The following SIMC1 variants were observed in gnomAD, a reference collection of about 807,000 sequenced individuals.
The protein encoded by SIMC1 is SUMO-interacting motif-containing protein 1.
A neutral mutation model predicts 82.3 loss-of-function variants in SIMC1; 55 were observed. The observed-to-expected ratio is 0.67, with a 90% CI of 0.54 to 0.84. The LOEUF is 0.84. Ranked by LOEUF, SIMC1 falls within the 40% of genes least tolerant of loss-of-function variation. The pLI, the probability that SIMC1 is intolerant of heterozygous loss-of-function variation, is 0.00. For missense variants in SIMC1, 915 were observed against 1,107.2 expected (o/e 0.83, Z 2.46); for synonymous variants, 353 against 426.3 (o/e 0.83, Z 2.12).
At chr5:176,343,207 C>T (rs779353594) in intron 9 of SIMC1, among the ~76,000 whole-genome samples, 7 of 152,160 alleles carry the variant, frequency 4.6e-5, no homozygotes, top group Non-Finnish European at 8.8e-5. Context: ...TAAAATGTAA[C>T]CTGATATACC....
intron 1 of SIMC1, among the ~76,000 whole-genome samples, chr5:176,246,444 GTGTGT>G (rs1479184788): frequency 6.7e-6 from 1 of 149,618 alleles, no homozygotes; most frequent in South Asian, 2.1e-4. Flanking sequence ...GTGTGTGTGT[GTGTGT>G]TGTTTGTTTG....
At chr5:176,311,875 C>T (rs964671810) in intron 4 of SIMC1, among the ~76,000 whole-genome samples, 11 of 152,028 alleles carry the variant, frequency 7.2e-5, no homozygotes, top group African/African-American at 2.2e-4. Context: ...CGATGTAAAA[C>T]GGAAAGTATA....
chr5:176,331,853 C>T (rs979943677), intron 7 of SIMC1, among the ~76,000 whole-genome samples: 3 of 151,840 alleles, frequency 2.0e-5, no homozygotes, highest in Non-Finnish European at 4.4e-5. Context: ...CCTGTAATCT[C>T]AGCTACTCAG....
intron 5 of SIMC1, among the ~76,000 whole-genome samples, chr5:176,320,699 T>G (rs1581309956): frequency 1.3e-5 from 2 of 151,782 alleles, no homozygotes; most frequent in South Asian, 4.1e-4. Flanking sequence ...TACCCCTCTT[T>G]CAACACTTCA....
intron 2 of SIMC1, among the ~76,000 whole-genome samples, chr5:176,293,032 C>G (rs1166902390): frequency 6.6e-6 from 1 of 152,066 alleles, no homozygotes; most frequent in East Asian, 1.9e-4. Flanking sequence ...CAGCTTCTGC[C>G]ATTTGTTGTA....
At chr5:176,330,889 A>G (rs1309382632) in intron 7 of SIMC1, among the ~76,000 whole-genome samples, 2 of 152,194 alleles carry the variant, frequency 1.3e-5, no homozygotes, top group African/African-American at 4.8e-5. Flanking sequence ...AAAAATAGCA[A>G]CTTTACAATG....
At chr5:176,320,871 G>C (rs1029137386) in intron 5 of SIMC1, among the ~76,000 whole-genome samples, 1 of 152,050 alleles carries the variant, frequency 6.6e-6, no homozygotes, top group Non-Finnish European at 1.5e-5. Flanking sequence ...CATAGGCTTG[G>C]ATTAAACGTC....
chr5:176,333,412 G>A (rs1033222001), intron 7 of SIMC1, among the ~76,000 whole-genome samples: 2 of 152,068 alleles, frequency 1.3e-5, no homozygotes, highest in Non-Finnish European at 2.9e-5. Context: ...CATCCAGGTT[G>A]TGGGGTTTTT....
At chr5:176,335,192 A>G (rs998932454) in intron 7 of SIMC1, among the ~76,000 whole-genome samples, 3 of 150,550 alleles carry the variant, frequency 2.0e-5, no homozygotes, top group Non-Finnish European at 4.4e-5. Context: ...CTCTGGTTTT[A>G]TCATTGATTA....
intron 1 of SIMC1, among the ~76,000 whole-genome samples, chr5:176,288,423 G>A (rs74478747): frequency 0.052 from 6,648 of 126,658 alleles, 217 homozygotes; most frequent in Non-Finnish European, 0.08. Flanking sequence ...ATGAATGAAT[G>A]AATAAATAAA....
intron 4 of SIMC1, chr5:176,308,609 A>G (rs1764530269): frequency 8.2e-6 from 13 of 1,584,438 alleles, no homozygotes; most frequent in Non-Finnish European, 1.1e-5. Flanking sequence ...AAAAGAGTTC[A>G]GAGTCCCTTC....
chr5:176,339,055 A>C (rs1766020229), intron 9 of SIMC1, among the ~76,000 whole-genome samples: 1 of 152,162 alleles, frequency 6.6e-6, no homozygotes. Flanking sequence ...AGACTGTTGT[A>C]ACTCACACTT....
At chr5:176,307,410 TG>T (rs772217052) in intron 4 of SIMC1, among the ~76,000 whole-genome samples, 4 of 152,324 alleles carry the variant, frequency 2.6e-5, no homozygotes, top group African/African-American at 7.2e-5. Context: ...TTGTAACAAT[TG>T]TTTTTTTGAG....
intron 4 of SIMC1, among the ~76,000 whole-genome samples, chr5:176,311,010 A>G (rs1405351471): frequency 6.6e-6 from 1 of 152,218 alleles, no homozygotes; most frequent in African/African-American, 2.4e-5. Context: ...TATTTCTAAG[A>G]AATGTTTAGA....
chr5:176,281,148 C>T (rs1375908514), intron 1 of SIMC1, among the ~76,000 whole-genome samples: 1 of 152,144 alleles, frequency 6.6e-6, no homozygotes, highest in East Asian at 1.9e-4. Context: ...TCTTTTTTCT[C>T]TAAACTTCCC....
intron 9 of SIMC1, among the ~76,000 whole-genome samples, chr5:176,338,547 G>T (rs959751533): frequency 6.6e-6 from 1 of 152,076 alleles, no homozygotes; most frequent in African/African-American, 2.4e-5. Flanking sequence ...CCCTATTTTT[G>T]ATAATCATAC....
rs79477198 is a variant in SIMC1 at position 176,265,266 on chromosome 5, TCAAA to T, written c.130-24365_130-24362del. On this transcript the variant is annotated intron_variant, in intron 1 of 9. Coordinates refer to ENST00000429602, the MANE Select transcript of SIMC1 (RefSeq NM_001308195.2). Reference sequence around the variant, plus strand: ...AGCCAACTTAGAAGGACTCTCCACTTCAAACAAACAAACAAACAAACAAACAGGA... The same window carrying T: ...AGCCAACTTAGAAGGACTCTCCACTTCAAACAAACAAACAAACAAACAGGA... 1.8e-3 allele frequency among the ~76,000 whole-genome samples: 277 copies of T among 150,772 alleles called. 1 individual carries two copies. Among genetic ancestry groups the T allele is most frequent in the Admixed American group, 4.2e-3 (63 of 15,118 alleles).
At chr5:176,319,391 A>C (rs1303104942) in intron 5 of SIMC1, among the ~76,000 whole-genome samples, 5 of 151,886 alleles carry the variant, frequency 3.3e-5, no homozygotes, top group South Asian at 4.1e-4. Context: ...TAAATAAGCC[A>C]GGCATGGCGG....
intron 1 of SIMC1, among the ~76,000 whole-genome samples, chr5:176,263,771 C>T (rs1762094639): frequency 6.6e-6 from 1 of 152,164 alleles, no homozygotes; most frequent in Admixed American, 6.5e-5. Context: ...ATCATCCCTT[C>T]CCAATAATTT....
Sources: allele counts gnomAD v4.1 joint callset (sites outside exome capture counted in the v4.1 genomes callset), GRCh38; gene constraint gnomAD v4.1.1; transcripts MANE v1.5; gene names NCBI Gene and HGNC (gene_info 2026-07-23, HGNC 2026-07-21).